SH3D19: variants seen among roughly 807,000 people sequenced by gnomAD.
The protein encoded by SH3D19 is SH3 domain-containing protein 19.
Under a neutral mutation model 112.1 loss-of-function variants are expected in SH3D19, and 58 were observed. That is an observed-to-expected ratio of 0.52 (90% CI 0.42 to 0.64). SH3D19 has a LOEUF of 0.64. Among genes scored for constraint, SH3D19 ranks in the 30% least tolerant of loss-of-function variants. The pLI, the probability that SH3D19 is intolerant of heterozygous loss-of-function variation, is 0.00. For missense variants in SH3D19, 1,090 were observed against 1,263.4 expected, an observed-to-expected ratio of 0.86 and a Z score of 2.08; for synonymous variants, 391 against 448.5, an observed-to-expected ratio of 0.87 and a Z score of 1.62.
intron 2 of SH3D19, among the ~76,000 whole-genome samples, chr4:151,200,407 T>C (rs1018064651): frequency 6.6e-6 from 1 of 152,196 alleles, no homozygotes; most frequent in African/African-American, 2.4e-5. Flanking sequence ...ATAACCATTA[T>C]TAAAAATTAA....
At chr4:151,277,306 C>T in intron 1 of SH3D19, 2 of 1,126,664 alleles carry the variant, frequency 1.8e-6, no homozygotes, top group South Asian at 2.3e-5. Context: ...TGTGACACTT[C>T]ACCCATGGGA....
intron 1 of SH3D19, 34 bp from the exon 2 acceptor site, chr4:151,226,120 G>T (rs552057016): frequency 1.1e-5 from 13 of 1,230,956 alleles, no homozygotes; most frequent in African/African-American, 1.6e-5. Flanking sequence ...GTGTCAAAAG[G>T]TTCTTTAAAA....
At position 151,226,397 on chromosome 4, in the gene SH3D19, A is replaced by G. The variant is rs948672439; in HGVS notation, c.113-311T>C. ...TGCTAACACTAGAAGAGATTTAGCTAAGGAAAGAAAGCAAGGAAACTGCAA... is the reference window on the plus strand; with the variant it reads ...TGCTAACACTAGAAGAGATTTAGCTGAGGAAAGAAAGCAAGGAAACTGCAA... On this transcript the variant is annotated intron_variant, in intron 1 of 19. Transcript: ENST00000604030. 6.8e-6 allele frequency: 7 copies of G among 1,036,368 alleles called. No homozygotes were observed. In the African/African-American group the frequency reaches 1.2e-4, roughly 17 times the overall value. 64.2% of individuals were successfully genotyped at this position (1,036,368 alleles called of 1,614,324 possible).
intron 7 of SH3D19, among the ~76,000 whole-genome samples, chr4:151,171,049 TA>T (rs974456264): frequency 6.6e-6 from 1 of 152,236 alleles, no homozygotes; most frequent in African/African-American, 2.4e-5. Context: ...TATCACACAA[TA>T]CTCCATTGTT....
chr4:151,300,421 A>C (rs907877776), intron 1 of SH3D19: 9 of 152,186 alleles, frequency 5.9e-5, no homozygotes, highest in African/African-American at 2.2e-4. Context: ...AAAAATTTCT[A>C]GAAGATTATA....
intron 2 of SH3D19, among the ~76,000 whole-genome samples, chr4:151,222,679 T>C (rs1303855301): frequency 2.1e-5 from 3 of 145,272 alleles, no homozygotes; most frequent in South Asian, 2.2e-4. Flanking sequence ...TTTTTTTTTT[T>C]TTTTTTTTTT....
In SH3D19 at chr4:151,137,781, T is replaced by C. The variant is rs1241059011; in HGVS notation, c.2378A>G (p.Asn793Ser). The C allele has an allele frequency of 2.5e-6, 4 of 1,608,284 alleles. No homozygotes were observed. The highest frequency in any genetic ancestry group is 3.3e-4 in the Middle Eastern group (2 of 6,046). ...AAATATGCCAATCTGGTTTCTACAG[T>C]TCCCTCTGTACCAATCTGTATCTAT... ...EKIDTDWYRGNCRNQIGIFPA... is the reference protein window; with the variant it reads ...EKIDTDWYRGSCRNQIGIFPA... Residue 793 changes from asparagine (N) to serine (S), a missense_variant, in exon 14 of 20, where the codon AAC becomes AGC. By Grantham distance (46) the Asn-to-Ser change is conservative. Coordinates refer to ENST00000604030, the MANE Select transcript of SH3D19 (RefSeq NM_001378122.1).
intron 2 of SH3D19, among the ~76,000 whole-genome samples, chr4:151,213,907 T>C (rs1455770723): frequency 6.6e-6 from 1 of 151,166 alleles, no homozygotes; most frequent in Non-Finnish European, 1.5e-5. Flanking sequence ...CTTGGGTGTT[T>C]CTCACAGAGA....
intron 1 of SH3D19, chr4:151,283,097 G>A: frequency 6.2e-7 from 1 of 1,611,970 alleles, no homozygotes; most frequent in Non-Finnish European, 8.5e-7. Flanking sequence ...TTAATCTTTT[G>A]TTCCTGTCTT....
chr4:151,226,515 A>C, intron 1 of SH3D19: 1 of 979,696 alleles, frequency 1.0e-6, no homozygotes, highest in Non-Finnish European at 1.2e-6. Flanking sequence ...ATGAGCAGTC[A>C]GCTACAACAT....
At chr4:151,150,959 T>C (rs1754957058) in intron 9 of SH3D19, among the ~76,000 whole-genome samples, 2 of 80,260 alleles carry the variant, frequency 2.5e-5, no homozygotes, top group Admixed American at 1.1e-4. Flanking sequence ...CACAAAATTC[T>C]TTTTTTTTTT....
intron 1 of SH3D19, among the ~76,000 whole-genome samples, chr4:151,239,794 TCTC>T (rs2149966277): frequency 6.6e-6 from 1 of 152,272 alleles, no homozygotes; most frequent in East Asian, 1.9e-4. Context: ...CTTTTATACT[TCTC>T]CTGAAATGCT....
chr4:151,321,169 C>T (rs552252749), intron 1 of SH3D19, among the ~76,000 whole-genome samples: 1 of 152,256 alleles, frequency 6.6e-6, no homozygotes, highest in East Asian at 1.9e-4. Flanking sequence ...TAGCCTTTAT[C>T]CTCCCTTCTT....
intron 1 of SH3D19, among the ~76,000 whole-genome samples, chr4:151,311,724 C>G (rs1167640478): frequency 6.6e-6 from 1 of 152,090 alleles, no homozygotes; most frequent in African/African-American, 2.4e-5. Flanking sequence ...CCTGCAGTCT[C>G]AGCTACTCAG....
chr4:151,207,988 T>C (rs72723763), intron 2 of SH3D19, among the ~76,000 whole-genome samples: 407 of 152,262 alleles, frequency 2.7e-3, no homozygotes, highest in Non-Finnish European at 4.0e-3. Context: ...TTAACTGAGG[T>C]CCAAAGCAAC....
chr4:151,320,275 T>C (rs540313844), intron 1 of SH3D19, among the ~76,000 whole-genome samples: 31 of 152,330 alleles, frequency 2.0e-4, no homozygotes, highest in African/African-American at 7.5e-4. Flanking sequence ...CTCTTCCAGA[T>C]GTTGGGAGGA....
chr4:151,190,329 C>T (rs907614428), intron 2 of SH3D19, among the ~76,000 whole-genome samples: 4 of 152,154 alleles, frequency 2.6e-5, no homozygotes, highest in African/African-American at 9.7e-5. Context: ...AAAATGGCTG[C>T]AGAAACTTGC....
intron 2 of SH3D19, among the ~76,000 whole-genome samples, chr4:151,191,491 G>T (rs1420184431): frequency 6.6e-6 from 1 of 152,110 alleles, no homozygotes; most frequent in East Asian, 1.9e-4. Context: ...ATTGAGTTAT[G>T]GGGGTGGGTC....
chr4:151,169,095 A>C (rs1264500328), intron 7 of SH3D19, among the ~76,000 whole-genome samples: 1 of 152,168 alleles, frequency 6.6e-6, no homozygotes, highest in East Asian at 1.9e-4. Context: ...GATCTCACCT[A>C]TTCTGTTAAA....
Sources: allele counts gnomAD v4.1 joint callset (sites outside exome capture counted in the v4.1 genomes callset), GRCh38; gene constraint gnomAD v4.1.1; transcripts MANE v1.5; gene names NCBI Gene and HGNC (gene_info 2026-07-23, HGNC 2026-07-21).